TMC1: variants seen among roughly 807,000 people sequenced by gnomAD.
The protein encoded by TMC1 is transmembrane channel like 1.
TMC1 carries 84 observed loss-of-function variants against 105.8 expected under a neutral mutation model. The observed-to-expected ratio is 0.79, with a 90% CI of 0.67 to 0.95. TMC1 has a LOEUF of 0.95. Ranked by LOEUF, TMC1 falls within the 40% of genes least tolerant of loss-of-function variation. TMC1 has a pLI of 0.00. For missense variants in TMC1, 817 were observed against 914.1 expected, an observed-to-expected ratio of 0.89 and a Z score of 1.37; for synonymous variants, 315 against 311.5, an observed-to-expected ratio of 1.01 and a Z score of -0.12.
At chr9:72,779,168 G>A (rs750541208) in intron 13 of TMC1, among the ~76,000 whole-genome samples, 38 of 152,238 alleles carry the variant, frequency 2.5e-4, no homozygotes, top group South Asian at 4.1e-4. Flanking sequence ...ACACAGTCCA[G>A]GAGTGCTGAG....
chr9:72,766,833 G>A (rs1362163406), intron 12 of TMC1, among the ~76,000 whole-genome samples: 1 of 152,172 alleles, frequency 6.6e-6, no homozygotes, highest in East Asian at 1.9e-4. Context: ...CTATGAATCT[G>A]GGTTGGAGCA....
At chr9:72,760,091 ATAT>A (rs919050248) in intron 12 of TMC1, among the ~76,000 whole-genome samples, 116 of 152,314 alleles carry the variant, frequency 7.6e-4, no homozygotes, top group African/African-American at 2.5e-3. Flanking sequence ...TATCATTTAA[ATAT>A]TATGCTTTAT....
intron 4 of TMC1, 129 bp from the exon 5 acceptor site, chr9:72,648,468 T>A (rs1235637383): frequency 3.0e-6 from 2 of 665,192 alleles, no homozygotes; most frequent in Admixed American, 4.6e-5. Flanking sequence ...GAAAATTTAA[T>A]GGTGAGGAAA....
chr9:72,660,864 C>T (rs1036525117), intron 5 of TMC1, among the ~76,000 whole-genome samples: 7 of 152,106 alleles, frequency 4.6e-5, no homozygotes, highest in African/African-American at 1.7e-4. Flanking sequence ...TGCATTCATC[C>T]AAGTATTTGG....
chr9:72,720,222 G>T (rs1163553407), intron 8 of TMC1, among the ~76,000 whole-genome samples: 2 of 152,168 alleles, frequency 1.3e-5, no homozygotes, highest in African/African-American at 2.4e-5. Flanking sequence ...TAAGCTTGTT[G>T]TGTGGAAACT....
intron 3 of TMC1, among the ~76,000 whole-genome samples, chr9:72,624,694 T>C (rs76765443): frequency 0.01 from 1,547 of 152,310 alleles, 21 homozygotes; most frequent in Non-Finnish European, 0.015. Context: ...AGCTGTTTCC[T>C]CCACTACTGA....
rs77054554 is a variant in TMC1, at chr9:72,776,872, A to G, written c.884+4317A>G. On this transcript the variant is annotated intron_variant, in intron 13 of 23. Transcript: ENST00000297784. ...TATATTGATGATAACAATCATCAATATAGACTGATGTCTCTGTCTCGTCCT... is the reference window on the plus strand; with the variant it reads ...TATATTGATGATAACAATCATCAATGTAGACTGATGTCTCTGTCTCGTCCT... Among the ~76,000 whole-genome samples, 597 of 152,000 alleles carry G rather than the reference A, an allele frequency of 3.9e-3. 5 individuals carry two copies. The highest frequency in any genetic ancestry group is 0.039 in the East Asian group (200 of 5,184).
At chr9:72,586,610 G>A (rs558630385) in intron 2 of TMC1, among the ~76,000 whole-genome samples, 107 of 152,282 alleles carry the variant, frequency 7.0e-4, no homozygotes, top group African/African-American at 2.4e-3. Context: ...ACTTATCTCT[G>A]TAGTTGGGTA....
chr9:72,807,435 A>G (rs1337765763), intron 18 of TMC1, among the ~76,000 whole-genome samples: 1 of 152,254 alleles, frequency 6.6e-6, no homozygotes, highest in African/African-American at 2.4e-5. Flanking sequence ...AGAGAAGTTC[A>G]GACTCGAGTA....
chr9:72,605,051 C>T lies in TMC1; in HGVS notation c.-305-11317C>T, dbSNP rs543116554. On this transcript the variant is annotated intron_variant, in intron 2 of 23. Coordinates refer to ENST00000297784, the MANE Select transcript of TMC1 (RefSeq NM_138691.3). ...TCTCTTCTCTTAAAATGAAATAATG[C>T]GAATGAAAAAATAAACCTTACAGGT... Among the ~76,000 whole-genome samples, 19 of 151,970 alleles carry T rather than the reference C, an allele frequency of 1.3e-4. 1 individual carries two copies. The highest frequency in any genetic ancestry group is 4.3e-4 in the African/African-American group (18 of 41,476).
In TMC1 at chr9:72,645,338, C is replaced by G. The variant is rs75926597; in HGVS notation, c.-52-3259C>G. ...TAGAGCTTTTGACGGAAATTTTAAACAAGTGGGATCAAGGTCCAGAAAGAT... is the reference window on the plus strand; with the variant it reads ...TAGAGCTTTTGACGGAAATTTTAAAGAAGTGGGATCAAGGTCCAGAAAGAT... On this transcript the variant is annotated intron_variant, in intron 4 of 23. Transcript: ENST00000297784. 7.8e-4 allele frequency among the ~76,000 whole-genome samples: 118 copies of G among 152,222 alleles called. 2 individuals are homozygous for G. In the East Asian group the frequency reaches 0.018, roughly 23 times the overall value.
At chr9:72,817,323 T>C (rs188938833) in intron 19 of TMC1, 28 of 152,266 alleles carry the variant, frequency 1.8e-4, no homozygotes, top group Admixed American at 1.8e-3. Context: ...TTCCCTTCCT[T>C]TCTAAATTTT....
intron 4 of TMC1, among the ~76,000 whole-genome samples, chr9:72,647,456 T>C (rs2132149037): frequency 6.6e-6 from 1 of 152,298 alleles, no homozygotes; most frequent in South Asian, 2.1e-4. Flanking sequence ...TTGCTCTAAA[T>C]TACAGATTCA....
Position 72,766,777 on chromosome 9 carries a change from A to G in TMC1, c.742-5636A>G, listed in dbSNP as rs374784270. Among the ~76,000 whole-genome samples the G allele has an allele frequency of 3.8e-3, 576 of 152,224 alleles. 4 individuals are homozygous for G. The highest frequency in any genetic ancestry group is 0.031 in the Middle Eastern group (9 of 294). On this transcript the variant is annotated intron_variant, in intron 12 of 23. Coordinates refer to ENST00000297784, the MANE Select transcript of TMC1 (RefSeq NM_138691.3). ...AGGCTCAGCTCAGCTTCCTCTTTGT[A>G]CTCCACACTGTCTCTGTTAAGAACC...
intron 1 of TMC1, among the ~76,000 whole-genome samples, chr9:72,573,923 C>T (rs1824330836): frequency 6.6e-6 from 1 of 152,178 alleles, no homozygotes; most frequent in South Asian, 2.1e-4. Flanking sequence ...GTTATCTTTT[C>T]TGCTCCTCTC....
intron 2 of TMC1, chr9:72,607,830 C>T (rs949800188): frequency 2.0e-5 from 3 of 151,870 alleles, no homozygotes; most frequent in Non-Finnish European, 4.4e-5. Context: ...ATAACATAAG[C>T]AAACGTCCCC....
intron 7 of TMC1, among the ~76,000 whole-genome samples, chr9:72,697,941 G>C (rs1826578279): frequency 6.6e-6 from 1 of 151,662 alleles, no homozygotes; most frequent in Admixed American, 6.6e-5. Context: ...GTAATTTAAA[G>C]TTATTCCTAT....
chr9:72,553,904 A>G (rs1211129533), intron 1 of TMC1, among the ~76,000 whole-genome samples: 1 of 152,194 alleles, frequency 6.6e-6, no homozygotes, highest in Non-Finnish European at 1.5e-5. Context: ...CGACTATTAT[A>G]TCTGAAAACA....
At chr9:72,642,304 T>G (rs1474254830) in intron 4 of TMC1, among the ~76,000 whole-genome samples, 2 of 152,192 alleles carry the variant, frequency 1.3e-5, no homozygotes, top group African/African-American at 4.8e-5. Context: ...GCCCCAGTGG[T>G]CCCTATGCCT....
Sources: gnomAD v4.1 joint callset for allele counts (sites outside exome capture counted in the v4.1 genomes callset) on GRCh38, gnomAD v4.1.1 for gene constraint, MANE v1.5 for transcripts, NCBI Gene and HGNC (gene_info 2026-07-23, HGNC 2026-07-21) for gene names.